The following FKRP variants were observed in gnomAD, a reference collection of about 807,000 sequenced individuals.
The protein encoded by FKRP is fukutin related protein, also known as ribitol 5-phosphate transferase FKRP.
FKRP carries 25 observed loss-of-function variants against 30.6 expected under a neutral mutation model. That is an observed-to-expected ratio of 0.82 (90% confidence interval 0.60 to 1.14). The LOEUF is 1.14. Ranked by LOEUF, FKRP falls within the 50% of genes most tolerant of loss-of-function variation. The pLI is 0.00. For missense variants in FKRP, 771 were observed against 727.8 expected (o/e 1.06, Z -0.68); for synonymous variants, 358 against 342.5 (o/e 1.05, Z -0.50).
In FKRP at chr19:46,756,301, T is replaced by C. The variant is rs1435780847; in HGVS notation, c.851T>C (p.Leu284Pro). 3.2e-6 allele frequency: 5 copies of C among 1,540,508 alleles called. No individual in the cohort carries two copies. The highest frequency in any genetic ancestry group is 4.4e-6 in the Non-Finnish European group (5 of 1,147,948). The change falls in exon 4 of 4, where the codon CTG (leucine) becomes CCG (proline). Residue 284 changes from leucine (L) to proline (P), a missense_variant. Transcript: ENST00000318584. This position sits in a 1 kb window ranked among gnomAD's most constrained non-coding sequence, Gnocchi z 6.6. ...CTAGTGAGCTGGGAAGGCGGGCGGCTGGAGTGGTTCGGCTGCAACAAGGAG... is the reference window on the plus strand; with the variant it reads ...CTAGTGAGCTGGGAAGGCGGGCGGCCGGAGTGGTTCGGCTGCAACAAGGAG... ...IRLVSWEGGR[L>P]EWFGCNKETT...
At position 46,752,111 on chromosome 19, in the gene FKRP, C is replaced by T. The variant is rs767973998; in HGVS notation, c.-39-3301C>T. On this transcript the variant is annotated intron_variant, in intron 3 of 3. Transcript: ENST00000318584. Reference sequence around the variant, plus strand: ...GAGTAGGAAAGGATGGAAGATCACGCGGGGCCTTATGGGCCACATTGAGTA... The same window carrying T: ...GAGTAGGAAAGGATGGAAGATCACGTGGGGCCTTATGGGCCACATTGAGTA... Among the ~76,000 whole-genome samples, 14 of 152,136 alleles carry T rather than the reference C, an allele frequency of 9.2e-5. No individual in the cohort carries two copies. The East Asian group carries it at 1.2e-3, about 13-fold the overall frequency.
Position 46,756,465 on chromosome 19 carries a change from C to G in FKRP, c.1015C>G (p.Arg339Gly), listed in dbSNP as rs2122629515. Residue 339 changes from arginine (R) to glycine (G), a missense_variant, in exon 4 of 4, where the codon CGC (arginine) becomes GGC (glycine). By Grantham distance (125) the Arg-to-Gly change is moderately radical. Coordinates refer to ENST00000318584, the MANE Select transcript of FKRP (RefSeq NM_024301.5). This position sits in a 1 kb window ranked among gnomAD's most constrained non-coding sequence, Gnocchi z 6.6. The part of the protein sequence containing the change: ...VVGVLEAAGV[R>G]YWLEGGSLLG... ...GGGCGTGCTGGAGGCTGCGGGCGTG[C>G]GCTACTGGCTCGAGGGCGGCTCACT... The G allele has an allele frequency of 6.3e-7, 1 of 1,583,468 alleles. No homozygotes were observed. The highest frequency in any genetic ancestry group is 1.1e-5 in the South Asian group (1 of 87,420).
intron 3 of FKRP, chr19:46,754,204 A>G (rs1004863212): frequency 6.6e-6 from 1 of 151,756 alleles, no homozygotes; most frequent in Non-Finnish European, 1.5e-5. Flanking sequence ...ACACCCAGCT[A>G]ATTTTTTATT....
chr19:46,745,423 G>A (rs187396237), upstream of FKRP, among the ~76,000 whole-genome samples: 3 of 152,194 alleles, frequency 2.0e-5, no homozygotes, highest in East Asian at 3.9e-4. Context: ...AGAGGGGAAG[G>A]CACACACCTT....
chr19:46,751,060 CTT>C (rs750482929), intron 3 of FKRP, among the ~76,000 whole-genome samples: 25 of 133,202 alleles, frequency 1.9e-4, no homozygotes, highest in Admixed American at 2.3e-4. Flanking sequence ...ATGGGAGATG[CTT>C]TTTTTTTTTT....
chr19:46,757,463 G>T lies in FKRP; in HGVS notation c.*525G>T. On this transcript the variant is annotated 3_prime_UTR_variant, in exon 4 of 4. Transcript: ENST00000318584. ...CAGGATGCGGGACCCTTGGCTGCAG[G>T]GGTTGCTTCCGCCACTAGAGGGCGC... 1 of 178,994 alleles carries T rather than the reference G, an allele frequency of 5.6e-6. No individual in the cohort carries two copies. 11.1% of individuals were successfully genotyped at this position (178,994 alleles called of 1,614,324 possible). A position where few individuals can be genotyped will look rare whatever the true frequency, so the allele number is the denominator to read the frequency against.
At position 46,755,505 on chromosome 19, in the gene FKRP, C is replaced by G. The variant is rs1408622539; in HGVS notation, c.55C>G (p.Leu19Val). Residue 19 changes from leucine (L) to valine (V), a missense_variant, in exon 4 of 4, where the codon CTG becomes GTG. Physicochemically the swap from Leu to Val is conservative, Grantham distance 32. Transcript: ENST00000318584. ...GGCGGCCGCCATCACCCTCAACCTT[C>G]TGGTCCTCTTCTATGTCTCGTGGCT... ...ALAAAITLNL[L>V]VLFYVSWLQH... 6.2e-7 allele frequency: 1 copy of G among 1,611,272 alleles called. No individual in the cohort carries two copies.
At chr19:46,744,889 C>T (rs548595027), upstream of FKRP, among the ~76,000 whole-genome samples, 6 of 152,188 alleles carry the variant, frequency 3.9e-5, no homozygotes, top group South Asian at 1.2e-3. Context: ...GTCCTCCAGT[C>T]ACTGCCAATG....
rs1329577253 is a variant in FKRP, at chr19:46,749,508, C to T, written c.-40+843C>T. Among the ~76,000 whole-genome samples the T allele has an allele frequency of 6.6e-4, 98 of 149,036 alleles. 1 individual carries two copies. The highest frequency in any genetic ancestry group is 2.2e-3 in the African/African-American group (87 of 40,396). On this transcript the variant is annotated intron_variant, in intron 3 of 3. Coordinates refer to ENST00000318584, the MANE Select transcript of FKRP (RefSeq NM_024301.5). ...TTGGGAGGCTGAGGCGGGCGGATCA[C>T]GAGGTCAGGAGATTGAGACCATCCT... is the stretch of plus-strand genomic sequence containing the variant.
At chr19:46,746,242 C>A in intron 1 of FKRP, 152 bp downstream of exon 1, 1 of 1,509,646 alleles carries the variant, frequency 6.6e-7, no homozygotes, top group East Asian at 2.8e-5. Flanking sequence ...CCGGCAGGCT[C>A]AGGGGCTCCG....
intron 1 of FKRP, chr19:46,747,062 C>G (rs1009236993): frequency 6.6e-6 from 1 of 152,416 alleles, no homozygotes; most frequent in Non-Finnish European, 1.5e-5. Context: ...CTCCCCCCCA[C>G]CTAGCATTCA....
chr19:46,744,944 G>A (rs3786707), upstream of FKRP, among the ~76,000 whole-genome samples: 51 of 152,022 alleles, frequency 3.4e-4, no homozygotes, highest in East Asian at 9.3e-3. Context: ...CAACTCCTCA[G>A]ACTCTTCCAT....
rs1267805674 is a variant in FKRP, at chr19:46,755,732, C to T, written c.282C>T (p.Pro94=). The change falls in exon 4 of 4, where the codon CCC becomes CCT. Residue 94 remains proline (P), a synonymous_variant. Transcript: ENST00000318584. ...TCCCCTACCCGCCCCTGGCCCTGCC[C>T]CGCATCCCCAACGTGCGTCTGGCGC... is the stretch of plus-strand genomic sequence containing the variant. ...DTLPYPPLAL[P]RIPNVRLALL... The T allele has an allele frequency of 1.3e-6, 2 of 1,569,568 alleles. No individual in the cohort carries two copies. The highest frequency in any genetic ancestry group is 1.2e-5 in the South Asian group (1 of 86,768).
upstream of FKRP, chr19:46,746,043 G>GGCGGCCCCGCGGC: frequency 1.7e-6 from 2 of 1,161,892 alleles, no homozygotes; most frequent in Non-Finnish European, 2.2e-6. Flanking sequence ...CCCCCCGCCG[G>GGCGGCCCCGCGGC]CCGTCCCGGC....
chr19:46,756,621 G>C lies in FKRP; in HGVS notation c.1171G>C (p.Gly391Arg), dbSNP rs775201067. 9 of 1,612,630 alleles carry C rather than the reference G, an allele frequency of 5.6e-6. No homozygotes were observed. The highest frequency in any genetic ancestry group is 7.6e-6 in the Non-Finnish European group (9 of 1,179,580). The change falls in exon 4 of 4, where the codon GGC becomes CGC. Residue 391 changes from glycine (G) to arginine (R), a missense_variant. Coordinates refer to ENST00000318584, the MANE Select transcript of FKRP (RefSeq NM_024301.5). The surrounding 1 kb of genome is among the most constrained non-coding windows in gnomAD (Gnocchi z 6.6). Reference protein sequence around the residue: ...AEAGSVVDERGFVWEKAVEGD... With the variant: ...AEAGSVVDERRFVWEKAVEGD... ...GGCCGGCTCGGTGGTGGATGAGCGC[G>C]GCTTCGTATGGGAGAAGGCGGTCGA...
chr19:46,746,134 C>A, intron 1 of FKRP, 44 bp downstream of exon 1: 3 of 1,494,262 alleles, frequency 2.0e-6, no homozygotes, highest in East Asian at 5.8e-5. Context: ...TCGGGGGTCC[C>A]GGGACAGCGC....
intron 3 of FKRP, among the ~76,000 whole-genome samples, chr19:46,749,718 C>T (rs1349821854): frequency 2.1e-5 from 3 of 141,312 alleles, no homozygotes; most frequent in South Asian, 2.2e-4. Flanking sequence ...AGCGAGACTC[C>T]GTCTCAAAAA....
chr19:46,751,150 C>T (rs1459626542), intron 3 of FKRP, among the ~76,000 whole-genome samples: 1 of 151,552 alleles, frequency 6.6e-6, no homozygotes, highest in Non-Finnish European at 1.5e-5. Context: ...GCACCCTTGA[C>T]TTCCCCAGCT....
At chr19:46,749,835 A>G (rs1568413668) in intron 3 of FKRP, among the ~76,000 whole-genome samples, 1 of 151,896 alleles carries the variant, frequency 6.6e-6, no homozygotes, top group Non-Finnish European at 1.5e-5. Flanking sequence ...CTACCACTTC[A>G]GCCACCAGAG....
Sources: gnomAD v4.1 joint callset for allele counts (sites outside exome capture counted in the v4.1 genomes callset) on GRCh38, gnomAD v4.1.1 for gene constraint, Gnocchi (gnomAD v3.1) non-coding constraint, MANE v1.5 for transcripts, NCBI Gene and HGNC (gene_info 2026-07-23, HGNC 2026-07-21) for gene names.